SENP6: variants seen among roughly 807,000 people sequenced by gnomAD.
SENP6 encodes sentrin-specific protease 6.
SENP6 carries 41 observed loss-of-function variants against 134.5 expected under a neutral mutation model. That is an observed-to-expected ratio of 0.30 (90% CI 0.24 to 0.40). The LOEUF (loss-of-function observed/expected upper bound fraction) is 0.40. Among genes scored for constraint, SENP6 ranks in the 10% least tolerant of loss-of-function variants. SENP6 has a pLI of 1.00. For missense variants in SENP6, 1,248 were observed against 1,312.5 expected (o/e 0.95, Z 0.76); for synonymous variants, 395 against 429.8 (o/e 0.92, Z 1.00).
intron 16 of SENP6, among the ~76,000 whole-genome samples, chr6:75,684,668 G>C (rs988934332): frequency 6.6e-6 from 1 of 152,164 alleles, no homozygotes; most frequent in African/African-American, 2.4e-5. Context: ...TGTGGTTTTT[G>C]TCATTGGTTC....
At chr6:75,640,839 TGTA>T (rs1430874728) in intron 6 of SENP6, 135 bp downstream of exon 6, 7 of 471,192 alleles carry the variant, frequency 1.5e-5, no homozygotes, top group Non-Finnish European at 2.6e-5. Flanking sequence ...TTAGTTGACA[TGTA>T]ATAATTGTAC....
intron 7 of SENP6, among the ~76,000 whole-genome samples, chr6:75,657,502 G>C (rs956149568): frequency 1.3e-5 from 2 of 152,118 alleles, no homozygotes; most frequent in African/African-American, 4.8e-5. Flanking sequence ...TGTCACAAAG[G>C]TAATGCCATT....
intron 18 of SENP6, among the ~76,000 whole-genome samples, chr6:75,699,285 G>A (rs571490259): frequency 1.3e-5 from 2 of 149,626 alleles, no homozygotes; most frequent in Non-Finnish European, 3.0e-5. Flanking sequence ...AATGAACTCT[G>A]TAAGAGAGCT....
At chr6:75,711,255 T>A in intron 20 of SENP6, 73 bp from the exon 21 acceptor site, 1 of 1,013,714 alleles carries the variant, frequency 9.9e-7, no homozygotes, top group Non-Finnish European at 1.5e-6. Context: ...TTGTCTCCAG[T>A]GTGCTATTTT....
chr6:75,678,403 TAAG>T, intron 14 of SENP6, 177 bp from the exon 15 acceptor site: 1 of 523,666 alleles, frequency 1.9e-6, no homozygotes, highest in South Asian at 2.7e-5. Context: ...CTACAGATAA[TAAG>T]AAAGTGGCCC....
chr6:75,699,556 C>T (rs757451752), intron 18 of SENP6, among the ~76,000 whole-genome samples: 11 of 151,820 alleles, frequency 7.2e-5, no homozygotes, highest in East Asian at 1.9e-4. Flanking sequence ...AGCATGATGT[C>T]GGCTTACTGC....
chr6:75,608,358 G>A (rs1318686774), intron 1 of SENP6, among the ~76,000 whole-genome samples: 2 of 152,016 alleles, frequency 1.3e-5, no homozygotes, highest in Non-Finnish European at 2.9e-5. Context: ...GAATTCAGGA[G>A]GCTGAGGTGG....
chr6:75,663,808 G>GTT (rs869230546), intron 9 of SENP6, among the ~76,000 whole-genome samples: 1 of 59,260 alleles, frequency 1.7e-5, no homozygotes, highest in South Asian at 5.4e-4. Flanking sequence ...CTGATAGTGG[G>GTT]TTTTTTTTTT....
intron 16 of SENP6, 129 bp from the exon 17 acceptor site, chr6:75,695,675 T>G (rs1774612398): frequency 1.8e-6 from 1 of 553,084 alleles, no homozygotes; most frequent in African/African-American, 2.0e-5. Context: ...AGGTGGAGGT[T>G]GCAGTGAGTT....
Position 75,659,276 on chromosome 6 carries a change from A to G in SENP6, c.565A>G (p.Lys189Glu). 2 of 1,607,472 alleles carry G rather than the reference A, an allele frequency of 1.2e-6. No individual in the cohort carries two copies. Among genetic ancestry groups the G allele is most frequent in the Non-Finnish European group, 1.7e-6 (2 of 1,177,906 alleles). Residue 189 changes from lysine (K) to glutamate (E), a missense_variant, in exon 8 of 24, where the codon AAA becomes GAA. This residue lies in a region of SENP6 where 733 missense variants were observed against 725.4 expected (regional missense o/e 1.01). Coordinates refer to ENST00000447266, the MANE Select transcript of SENP6 (RefSeq NM_015571.4). Reference protein sequence around the residue: ...RLQGVERIMKKTEESESQVEP... With the variant: ...RLQGVERIMKETEESESQVEP... ...CCTTCCTTTAGAACGTATAATGAAG[A>G]AAACAGAAGAGTCCGAATCACAAGT...
At chr6:75,604,636 A>T (rs1167126779) in intron 1 of SENP6, among the ~76,000 whole-genome samples, 1 of 151,618 alleles carries the variant, frequency 6.6e-6, no homozygotes, top group Non-Finnish European at 1.5e-5. Context: ...AAAAAAAAAA[A>T]GCATAAGGAA....
chr6:75,689,179 C>T (rs1308632027), intron 16 of SENP6, among the ~76,000 whole-genome samples: 1 of 152,106 alleles, frequency 6.6e-6, no homozygotes, highest in Non-Finnish European at 1.5e-5. Flanking sequence ...CTACGGTGAG[C>T]TATGATTACA....
chr6:75,670,589 C>T lies in SENP6; in HGVS notation c.1261C>T (p.Arg421Cys), dbSNP rs763415254. ...NSIINTPLKRRKVFSQEPPDA... is the reference protein window; with the variant it reads ...NSIINTPLKRCKVFSQEPPDA... ...TATTATCAACACACCTCTGAAACGT[C>T]GTAAAGTGTTTTCTCAAGAACCTCC... is the stretch of plus-strand genomic sequence containing the variant. The change falls in exon 11 of 24, where the codon CGT (arginine) becomes TGT (cysteine). Residue 421 changes from arginine (R) to cysteine (C), a missense_variant. By Grantham distance (180) the Arg-to-Cys change is radical (BLOSUM62 -3). Around this residue, in one of 3 missense-constraint regions of SENP6, gnomAD observed 733 missense variants for 725.4 expected, o/e 1.01. Coordinates refer to ENST00000447266, the MANE Select transcript of SENP6 (RefSeq NM_015571.4). The T allele has an allele frequency of 5.6e-6, 9 of 1,612,526 alleles. No individual in the cohort carries two copies. The highest frequency in any genetic ancestry group is 2.2e-5 in the East Asian group (1 of 44,800).
At chr6:75,679,248 C>A in intron 16 of SENP6, 2 of 220,062 alleles carry the variant, frequency 9.1e-6, no homozygotes, top group Non-Finnish European at 8.8e-6. Flanking sequence ...ACCTTGTCTC[C>A]ACAAAAAATT....
intron 12 of SENP6, 159 bp from the exon 13 acceptor site, chr6:75,675,701 G>C (rs1169406648): frequency 1.2e-6 from 1 of 847,674 alleles, no homozygotes; most frequent in Non-Finnish European, 1.8e-6. Context: ...CTTTAAGGCA[G>C]TTATAAAGAT....
chr6:75,691,660 C>T lies in SENP6; in HGVS notation c.2076-4144C>T, dbSNP rs183943794. 9.9e-5 allele frequency among the ~76,000 whole-genome samples: 15 copies of T among 151,418 alleles called. No individual in the cohort carries two copies. The East Asian group carries it at 2.3e-3, about 24-fold the overall frequency. On this transcript the variant is annotated intron_variant, in intron 16 of 23. Transcript: ENST00000447266. The stretch of plus-strand genomic sequence containing the variant: ...TGTTGCCCAGTTTGGAGTGCAGTGG[C>T]GCGATCTCAGCTCACTGCAAGCTCC...
intron 6 of SENP6, among the ~76,000 whole-genome samples, chr6:75,643,281 A>G (rs987052572): frequency 6.6e-6 from 1 of 152,244 alleles, no homozygotes; most frequent in African/African-American, 2.4e-5. Context: ...AGACATGCTG[A>G]TTTGATTAAA....
At chr6:75,713,966 T>C in intron 23 of SENP6, 141 bp downstream of exon 23, 1 of 644,842 alleles carries the variant, frequency 1.6e-6, no homozygotes, top group Non-Finnish European at 2.5e-6. Context: ...GAGCAAAAAC[T>C]TCTAAATGGA....
At chr6:75,636,316 C>G (rs1243933240) in intron 5 of SENP6, among the ~76,000 whole-genome samples, 8 of 152,116 alleles carry the variant, frequency 5.3e-5, no homozygotes, top group Non-Finnish European at 8.8e-5. Flanking sequence ...AGGACAGATT[C>G]TACTTACATT....
Sources: allele counts gnomAD v4.1 joint callset (sites outside exome capture counted in the v4.1 genomes callset), GRCh38; gene constraint gnomAD v4.1.1; regional missense constraint gnomAD v4.1.1; transcripts MANE v1.5; gene names NCBI Gene and HGNC (gene_info 2026-07-23, HGNC 2026-07-21).